The following C10orf67 variants were observed in gnomAD, a reference collection of about 807,000 sequenced individuals.
C10orf67 encodes the protein chromosome 10 open reading frame 67.
Under a neutral mutation model 35.6 loss-of-function variants are expected in C10orf67, and 60 were observed. The observed-to-expected ratio is 1.68, with a 90% CI of 1.37 to 2.09. The LOEUF is 2.09. Ranked by LOEUF, C10orf67 falls within the 30% of genes most tolerant of loss-of-function variation. The pLI is 0.00. For synonymous variants in C10orf67, 167 were observed against 115.8 expected (o/e 1.44, Z -2.84); for missense variants, 474 against 330.2 (o/e 1.44, Z -3.38).
At chr10:23,303,610 A>T (rs2132286957) in intron 4 of C10orf67, among the ~76,000 whole-genome samples, 151 bp from the exon 5 acceptor site, 1 of 152,368 alleles carries the variant, frequency 6.6e-6, no homozygotes, top group Non-Finnish European at 1.5e-5. Flanking sequence ...TTATTTTTGT[A>T]ACCTGCATAC....
chr10:23,221,833 G>C (rs1841589169), intron 15 of C10orf67, among the ~76,000 whole-genome samples: 1 of 152,076 alleles, frequency 6.6e-6, no homozygotes, highest in African/African-American at 2.4e-5. Flanking sequence ...AGTAAATTTT[G>C]GATTAACTGG....
At chr10:23,257,714 G>A (rs945216319) in intron 10 of C10orf67, among the ~76,000 whole-genome samples, 3 of 152,054 alleles carry the variant, frequency 2.0e-5, no homozygotes, top group Non-Finnish European at 4.4e-5. Flanking sequence ...GAGGTGGGAG[G>A]ATGGCCTGAA....
intron 4 of C10orf67, among the ~76,000 whole-genome samples, chr10:23,306,100 A>G (rs1844266402): frequency 6.6e-6 from 1 of 152,186 alleles, no homozygotes; most frequent in Admixed American, 6.5e-5. Context: ...ATATCTTGCT[A>G]TTTGGGACAA....
intron 10 of C10orf67, among the ~76,000 whole-genome samples, chr10:23,252,016 T>C (rs946044647): frequency 1.3e-5 from 2 of 152,210 alleles, no homozygotes; most frequent in Non-Finnish European, 2.9e-5. Context: ...AATTTTCCTA[T>C]TAATAATACC....
At chr10:23,280,594 T>C (rs1177684021) in intron 8 of C10orf67, among the ~76,000 whole-genome samples, 2 of 151,998 alleles carry the variant, frequency 1.3e-5, no homozygotes, top group African/African-American at 4.8e-5. Flanking sequence ...TAGACTAGTC[T>C]AGGCATCCTG....
chr10:23,244,957 T>A (rs1379159157), intron 12 of C10orf67, among the ~76,000 whole-genome samples: 1 of 152,144 alleles, frequency 6.6e-6, no homozygotes, highest in Non-Finnish European at 1.5e-5. Flanking sequence ...AGAAACTATG[T>A]TACAAAGCTA....
chr10:23,294,505 G>C (rs1029313798), intron 5 of C10orf67, among the ~76,000 whole-genome samples: 21 of 152,064 alleles, frequency 1.4e-4, no homozygotes, highest in South Asian at 2.1e-4. Flanking sequence ...TGGCTACAAT[G>C]GTATGCAGCT....
At chr10:23,234,489 A>G (rs1269466402) in intron 13 of C10orf67, among the ~76,000 whole-genome samples, 1 of 152,172 alleles carries the variant, frequency 6.6e-6, no homozygotes, top group East Asian at 1.9e-4. Flanking sequence ...GAACACATGG[A>G]CATATAGAGG....
At chr10:23,271,640 T>C (rs1307904072) in intron 8 of C10orf67, among the ~76,000 whole-genome samples, 4 of 152,236 alleles carry the variant, frequency 2.6e-5, no homozygotes, top group East Asian at 1.9e-4. Context: ...CAATATTTCA[T>C]TGAGATTTTA....
intron 12 of C10orf67, among the ~76,000 whole-genome samples, chr10:23,241,260 A>T (rs1364580910): frequency 6.6e-6 from 1 of 152,242 alleles, no homozygotes; most frequent in Admixed American, 6.5e-5. Context: ...GGAGCAAGTA[A>T]TCTATAATTT....
chr10:23,211,858 AT>A (rs905793773), intron 15 of C10orf67, among the ~76,000 whole-genome samples: 14 of 152,186 alleles, frequency 9.2e-5, no homozygotes, highest in African/African-American at 3.4e-4. Context: ...GATAGATAAA[AT>A]TTAAAAAGAA....
chr10:23,327,684 G>A (rs1330513733), intron 2 of C10orf67, among the ~76,000 whole-genome samples: 1 of 152,042 alleles, frequency 6.6e-6, no homozygotes, highest in Non-Finnish European at 1.5e-5. Context: ...AATTATCCGG[G>A]CGTGGTGGCG....
At chr10:23,325,612 T>G (rs755048627) in intron 2 of C10orf67, among the ~76,000 whole-genome samples, 10 of 148,000 alleles carry the variant, frequency 6.8e-5, no homozygotes, top group Admixed American at 1.3e-4. Context: ...TTTAGGGGAC[T>G]ATATCAGAAC....
chr10:23,233,423 G>C (rs1841964527), intron 13 of C10orf67, among the ~76,000 whole-genome samples: 1 of 151,936 alleles, frequency 6.6e-6, no homozygotes, highest in African/African-American at 2.4e-5. Flanking sequence ...CAGAACAAAA[G>C]GAAAAGACTC....
At chr10:23,240,373 G>A (rs1389099786) in intron 12 of C10orf67, among the ~76,000 whole-genome samples, 1 of 152,072 alleles carries the variant, frequency 6.6e-6, no homozygotes, top group Non-Finnish European at 1.5e-5. Context: ...TAGATCTAAG[G>A]CAATAAATGC....
intron 8 of C10orf67, among the ~76,000 whole-genome samples, chr10:23,272,923 C>T (rs1417208339): frequency 2.0e-5 from 3 of 152,122 alleles, no homozygotes; most frequent in Admixed American, 2.0e-4. Context: ...CCATGTTTAT[C>T]CATAAGCACT....
chr10:23,243,209 A>C (rs1842227037), intron 12 of C10orf67, among the ~76,000 whole-genome samples: 1 of 152,224 alleles, frequency 6.6e-6, no homozygotes, highest in Non-Finnish European at 1.5e-5. Context: ...GTAAAGTAAA[A>C]ATGGACAGAT....
Position 23,204,230 on chromosome 10 carries a change from T to C in C10orf67, c.1596A>G (p.Glu532=), listed in dbSNP as rs1404815083. ...PKGKLSESPK[E]ESLEEPSMRQ... ...GCATGGAGGGCTCCTCCAAGGACTCTTCTTTTGGGGATTCCGACAACTTCC... is the reference window on the plus strand; with the variant it reads ...GCATGGAGGGCTCCTCCAAGGACTCCTCTTTTGGGGATTCCGACAACTTCC... Residue 532 remains glutamate (E), a synonymous_variant, in exon 16 of 16, where the codon GAA becomes GAG. Transcript: ENST00000636213. The C allele has an allele frequency of 3.1e-6, 2 of 654,818 alleles. No individual in the cohort carries two copies. The highest frequency in any genetic ancestry group is 3.0e-5 in the East Asian group (1 of 33,168). 40.6% of individuals were successfully genotyped at this position (654,818 alleles called of 1,614,324 possible).
chr10:23,218,785 A>G (rs1051080382), intron 15 of C10orf67, among the ~76,000 whole-genome samples: 1 of 152,178 alleles, frequency 6.6e-6, no homozygotes, highest in Non-Finnish European at 1.5e-5. Flanking sequence ...ATGGCCATCA[A>G]TTATATGTGG....
Sources: allele counts gnomAD v4.1 joint callset (sites outside exome capture counted in the v4.1 genomes callset), GRCh38; gene constraint gnomAD v4.1.1; transcripts MANE v1.5; gene names NCBI Gene and HGNC (gene_info 2026-07-23, HGNC 2026-07-21).